Variants in DLGAP2 observed in about 807,000 individuals in gnomAD.
DLGAP2 encodes the protein disks large-associated protein 2.
In DLGAP2, 26 loss-of-function variants were observed where a neutral mutation model predicts 100.3. The ratio of observed to expected loss-of-function variants is 0.26; its 90% CI spans 0.19 to 0.36. DLGAP2 has a LOEUF of 0.36. DLGAP2 is among the 10% of genes least tolerant of loss of function. The probability of loss-of-function intolerance (pLI) is 1.00; values close to 1 mark genes in which losing one functional copy is unlikely to be tolerated. For missense variants in DLGAP2, 1,858 were observed against 1,453.2 expected, an observed-to-expected ratio of 1.28 and a Z score of -4.53; for synonymous variants, 886 against 630.1, an observed-to-expected ratio of 1.41 and a Z score of -6.08.
chr8:1,638,148 C>G (rs1365532659), intron 8 of DLGAP2, among the ~76,000 whole-genome samples: 3 of 152,264 alleles, frequency 2.0e-5, no homozygotes, highest in African/African-American at 7.2e-5. Flanking sequence ...CACTGGAGGA[C>G]TCTAAGCAGG....
chr8:1,049,103 A>C (rs1479320024), intron 2 of DLGAP2, among the ~76,000 whole-genome samples: 1 of 152,186 alleles, frequency 6.6e-6, no homozygotes, highest in African/African-American at 2.4e-5. Context: ...AATACATGGG[A>C]GGGGAAGCAT....
At chr8:757,059 C>T (rs1820939323) in intron 1 of DLGAP2, among the ~76,000 whole-genome samples, 1 of 152,190 alleles carries the variant, frequency 6.6e-6, no homozygotes, top group African/African-American at 2.4e-5. Flanking sequence ...TGTTTCCCGC[C>T]ATGGGGCCTT....
chr8:1,650,598 A>G (rs772259160), intron 8 of DLGAP2, among the ~76,000 whole-genome samples: 3 of 152,272 alleles, frequency 2.0e-5, no homozygotes, highest in Non-Finnish European at 4.4e-5. Flanking sequence ...CCAGAAAAAG[A>G]TACTGGGTGC....
chr8:1,196,831 C>T (rs1482184540), intron 2 of DLGAP2, among the ~76,000 whole-genome samples: 1 of 152,068 alleles, frequency 6.6e-6, no homozygotes, highest in Non-Finnish European at 1.5e-5. Flanking sequence ...CACACATACA[C>T]CAGGGTTCTC....
intron 2 of DLGAP2, among the ~76,000 whole-genome samples, chr8:1,094,206 G>C (rs1421851594): frequency 6.6e-6 from 1 of 152,232 alleles, no homozygotes; most frequent in African/African-American, 2.4e-5. Context: ...GGGACTGGCT[G>C]AGACTTTGGA....
intron 3 of DLGAP2, among the ~76,000 whole-genome samples, chr8:1,478,469 C>T (rs758315526): frequency 2.3e-4 from 35 of 152,242 alleles, no homozygotes; most frequent in Non-Finnish European, 4.3e-4. Flanking sequence ...AGGTGGCCAA[C>T]AGCATCCGTG....
chr8:1,104,112 G>C (rs1804676588), intron 2 of DLGAP2, among the ~76,000 whole-genome samples: 1 of 152,206 alleles, frequency 6.6e-6, no homozygotes, highest in Non-Finnish European at 1.5e-5. Flanking sequence ...TTCATGCCAA[G>C]GCAGAGGGAG....
intron 1 of DLGAP2, among the ~76,000 whole-genome samples, chr8:894,842 G>GTGGCTGGC (rs1563083862): frequency 1.4e-3 from 164 of 120,670 alleles, no homozygotes; most frequent in Non-Finnish European, 2.0e-3. Flanking sequence ...GAACAGAGTG[G>GTGGCTGGC]AGGCTGGCAG....
In DLGAP2 at chr8:1,502,637, C is replaced by T. The variant is rs185406753; in HGVS notation, c.172+1206C>T. Among the ~76,000 whole-genome samples, 506 of 152,276 alleles carry T rather than the reference C, an allele frequency of 3.3e-3. 16 individuals are homozygous for T. Among genetic ancestry groups the T allele is most frequent in the Non-Finnish European group, 6.9e-4 (47 of 68,020 alleles). ...TGGCTATCATGTTTGAATAATTATG[C>T]ATCTGTTTTTTTAAACCTCAGTCTG... On this transcript the variant is annotated intron_variant, in intron 4 of 14. Coordinates refer to ENST00000637795, the MANE Select transcript of DLGAP2 (RefSeq NM_001346810.2).
At chr8:1,507,480 G>C (rs555329151) in intron 4 of DLGAP2, among the ~76,000 whole-genome samples, 1 of 152,132 alleles carries the variant, frequency 6.6e-6, no homozygotes, top group Non-Finnish European at 1.5e-5. Context: ...CCCAGAACTC[G>C]CGCTGGCCCA....
At chr8:1,032,115 T>A (rs755392220) in intron 2 of DLGAP2, among the ~76,000 whole-genome samples, 8 of 152,274 alleles carry the variant, frequency 5.3e-5, no homozygotes, top group Non-Finnish European at 1.0e-4. Flanking sequence ...CCCCTGGGTC[T>A]GCAGTATGCT....
At chr8:956,691 G>T (rs1239613614) in intron 2 of DLGAP2, among the ~76,000 whole-genome samples, 1 of 152,220 alleles carries the variant, frequency 6.6e-6, no homozygotes, top group Non-Finnish European at 1.5e-5. Flanking sequence ...AATAGCCAAA[G>T]ATTTTCCACA....
intron 2 of DLGAP2, among the ~76,000 whole-genome samples, chr8:1,051,153 G>T (rs1802675586): frequency 6.6e-6 from 1 of 152,028 alleles, no homozygotes; most frequent in Admixed American, 6.6e-5. Context: ...AGGGCACAAG[G>T]GGAGCAGCTT....
intron 2 of DLGAP2, among the ~76,000 whole-genome samples, chr8:1,027,750 C>T (rs1223103698): frequency 2.4e-5 from 3 of 125,142 alleles, no homozygotes; most frequent in African/African-American, 6.4e-5. Context: ...GTCAGGCGCC[C>T]GTTATTCTCC....
intron 1 of DLGAP2, among the ~76,000 whole-genome samples, chr8:841,557 G>T (rs1419936110): frequency 6.6e-6 from 1 of 152,156 alleles, no homozygotes; most frequent in African/African-American, 2.4e-5. Context: ...CCCTTGTAAG[G>T]CAGAGCTAGA....
chr8:1,671,458 C>T (rs1798687949), intron 10 of DLGAP2, among the ~76,000 whole-genome samples: 1 of 152,224 alleles, frequency 6.6e-6, no homozygotes, highest in East Asian at 1.9e-4. Context: ...TCACTGAACA[C>T]ATCTTCTGTG....
chr8:1,176,466 A>T (rs926017336), intron 2 of DLGAP2, among the ~76,000 whole-genome samples: 1 of 152,342 alleles, frequency 6.6e-6, no homozygotes, highest in South Asian at 2.1e-4. Flanking sequence ...ATGTAGAACG[A>T]TGAATGTAGT....
rs558627607 is a variant in DLGAP2 at position 1,252,473 on chromosome 8, G to A, written c.74-6378G>A. Reference sequence around the variant, plus strand: ...TGGTGTTGTCACGTGCGTGTGTTGCGTTGTCCTGGGTCACAGTGTCACAGT... The same window carrying A: ...TGGTGTTGTCACGTGCGTGTGTTGCATTGTCCTGGGTCACAGTGTCACAGT... On this transcript the variant is annotated intron_variant, in intron 2 of 14. Transcript: ENST00000637795. 7.9e-5 allele frequency among the ~76,000 whole-genome samples: 12 copies of A among 152,348 alleles called. No individual in the cohort carries two copies. The South Asian group carries it at 1.0e-3, about 13-fold the overall frequency.
chr8:1,556,728 C>T (rs570543973), intron 5 of DLGAP2, among the ~76,000 whole-genome samples: 1 of 152,304 alleles, frequency 6.6e-6, no homozygotes, highest in East Asian at 1.9e-4. Flanking sequence ...ATAAAGTGGG[C>T]AGCTGAACTC....
Sources: allele counts gnomAD v4.1 joint callset (sites outside exome capture counted in the v4.1 genomes callset), GRCh38; gene constraint gnomAD v4.1.1; transcripts MANE v1.5; gene names NCBI Gene and HGNC (gene_info 2026-07-23, HGNC 2026-07-21).